The following CYBC1 variants were observed in gnomAD, a reference collection of about 807,000 sequenced individuals.
CYBC1 encodes the protein essential for reactive oxygen species protein.
CYBC1 carries 22 observed loss-of-function variants against 21.7 expected under a neutral mutation model. That is an observed-to-expected ratio of 1.02 (90% CI 0.73 to 1.45). The LOEUF (loss-of-function observed/expected upper bound fraction) is 1.45, where lower values mean the gene tolerates loss of function less well. Ranked by LOEUF, CYBC1 falls within the 40% of genes most tolerant of loss-of-function variation. The probability of loss-of-function intolerance (pLI) is 0.00; values close to 1 mark genes in which losing one functional copy is unlikely to be tolerated. For synonymous variants in CYBC1, 112 were observed against 98.7 expected, an observed-to-expected ratio of 1.13 and a Z score of -0.80; for missense variants, 237 against 242.1, an observed-to-expected ratio of 0.98 and a Z score of 0.14.
chr17:82,449,033 A>G, intron 2 of CYBC1, 137 bp downstream of exon 2: 1 of 699,076 alleles, frequency 1.4e-6, no homozygotes, highest in Non-Finnish European at 2.4e-6. Flanking sequence ...TAGAATTTGA[A>G]TGGATACAAA....
At chr17:82,447,852 T>G in intron 2 of CYBC1, 1 of 597,424 alleles carries the variant, frequency 1.7e-6, no homozygotes, top group South Asian at 2.0e-5. Flanking sequence ...CCCAGCTACC[T>G]GGGAGGCCGA....
rs1258110096 is a variant in CYBC1, at chr17:82,443,368, A to G, written c.*636T>C. 2.1e-6 allele frequency: 1 copy of G among 473,878 alleles called. No homozygotes were observed. Among genetic ancestry groups the G allele is most frequent in the Non-Finnish European group, 3.9e-6 (1 of 253,474 alleles). The allele number at this position is 473,878 out of a possible 1,614,324, so 29.4% of individuals were successfully genotyped here. On this transcript the variant is annotated 3_prime_UTR_variant, in exon 7 of 7. Transcript: ENST00000306645. The surrounding 1 kb of genome is among the most constrained non-coding windows in gnomAD (Gnocchi z 6.7). The stretch of plus-strand genomic sequence containing the variant: ...ATGCGCCGAGATCCTGGCATCAGCA[A>G]GGGAGGCGGGTCCTCGGGGAGGGGC...
In CYBC1 at chr17:82,446,660, C is replaced by T; in HGVS notation, c.164G>A (p.Cys55Tyr). 6.2e-7 allele frequency: 1 copy of T among 1,614,132 alleles called. No homozygotes were observed. The highest frequency in any genetic ancestry group is 1.1e-5 in the South Asian group (1 of 91,088). Residue 55 changes from cysteine (C) to tyrosine (Y), a missense_variant, in exon 4 of 7, where the codon TGC (cysteine) becomes TAC (tyrosine). Physicochemically the swap from Cys to Tyr is radical, Grantham distance 194. Transcript: ENST00000306645. ...CAAGTTCTGCACAGCCACAAACAGGCAGCCTGTGACGTAGAAGAGCTTCCA... is the reference window on the plus strand; with the variant it reads ...CAAGTTCTGCACAGCCACAAACAGGTAGCCTGTGACGTAGAAGAGCTTCCA... ...LGWKLFYVTGCLFVAVQNLED... is the reference protein window; with the variant it reads ...LGWKLFYVTGYLFVAVQNLED...
At chr17:82,447,698 A>G (rs893676505) in intron 2 of CYBC1, 77 bp from the exon 3 acceptor site, 1 of 1,330,234 alleles carries the variant, frequency 7.5e-7, no homozygotes, top group African/African-American at 1.4e-5. Flanking sequence ...ACCAGGAGCC[A>G]CAGCCCCTGA....
At chr17:82,444,754 C>A in intron 5 of CYBC1, 163 bp from the exon 6 acceptor site, 1 of 900,532 alleles carries the variant, frequency 1.1e-6, no homozygotes, top group Non-Finnish European at 1.7e-6. Flanking sequence ...ACTGCTGTGG[C>A]CCTGAAGGCA....
At position 82,442,884 on chromosome 17, in the gene CYBC1, C is replaced by T. The variant is rs892200650; in HGVS notation, c.*1120G>A. On this transcript the variant is annotated 3_prime_UTR_variant, in exon 7 of 7. Transcript: ENST00000306645. The surrounding 1 kb of genome is among the most constrained non-coding windows in gnomAD (Gnocchi z 6.8). ...GGCATCAGGCCAGGCGCGCTCGGTG[C>T]ACACCGCACCTGGGAGGACCTGGGT... The T allele has an allele frequency of 4.5e-5, 15 of 336,922 alleles. No individual in the cohort carries two copies. The highest frequency in any genetic ancestry group is 8.2e-5 in the Non-Finnish European group (15 of 183,724). 20.9% of individuals were successfully genotyped at this position (336,922 alleles called of 1,614,324 possible). A position where few individuals can be genotyped will look rare whatever the true frequency, so the allele number is the denominator to read the frequency against.
rs960060249 is a variant in CYBC1 at position 82,444,319 on chromosome 17, T to C, written c.443+128A>G. ...CCCCTGAGCCTGCACACGCTTCCCG[T>C]GGGCCCCTCTGTGTCCCGTCCACAA... On this transcript the variant is annotated intron_variant, in intron 6 of 6. Transcript: ENST00000306645. 4 of 1,454,254 alleles carry C rather than the reference T, an allele frequency of 2.8e-6. No homozygotes were observed. The African/African-American group carries it at 5.6e-5, about 21-fold the overall frequency. The allele number at this position is 1,454,254 out of a possible 1,614,324, so 90.1% of individuals were successfully genotyped here. A position where few individuals can be genotyped will look rare whatever the true frequency, so the allele number is the denominator to read the frequency against.
chr17:82,448,874 A>G, intron 2 of CYBC1: 1 of 365,786 alleles, frequency 2.7e-6, no homozygotes, highest in Non-Finnish European at 5.0e-6. Flanking sequence ...ATGGGAACCC[A>G]CGATCACCCA....
chr17:82,446,963 C>T (rs2054332598), intron 3 of CYBC1: 1 of 547,912 alleles, frequency 1.8e-6, no homozygotes, highest in Admixed American at 3.3e-5. Flanking sequence ...GTGATTGTGG[C>T]AGGGTGGGAA....
intron 1 of CYBC1, chr17:82,450,072 C>T (rs12450191): frequency 0.15 from 23,100 of 152,068 alleles, 2,069 homozygotes; most frequent in Admixed American, 0.28. Context: ...GTTTGAGTCA[C>T]GGAGTTCAAG....
chr17:82,447,560 T>TGGGGGGG lies in CYBC1; in HGVS notation c.127+19_127+20insCCCCCCC. 1 of 386,414 alleles carries TGGGGGGG rather than the reference T, an allele frequency of 2.6e-6. No individual in the cohort carries two copies. Among genetic ancestry groups the TGGGGGGG allele is most frequent in the Admixed American group, 5.8e-5 (1 of 17,202 alleles). The allele number at this position is 386,414 out of a possible 1,614,324, so 23.9% of individuals were successfully genotyped here. A position where few individuals can be genotyped will look rare whatever the true frequency, so the allele number is the denominator to read the frequency against. ...AACAGCTGAGACAGTCATGGGGGGG[T>TGGGGGGG]GGGGCGGGGGGTGCTTTACCTCCGC... On this transcript the variant is annotated intron_variant, in intron 3 of 6. Coordinates refer to ENST00000306645, the MANE Select transcript of CYBC1 (RefSeq NM_001033046.4).
intron 4 of CYBC1, 136 bp from the exon 5 acceptor site, chr17:82,446,096 C>T: frequency 4.5e-6 from 3 of 663,674 alleles, no homozygotes; most frequent in East Asian, 5.6e-5. Flanking sequence ...AGAACCCAAA[C>T]CCCTGAAGCC....
intron 2 of CYBC1, 80 bp from the exon 3 acceptor site, chr17:82,447,701 G>T: frequency 7.8e-7 from 1 of 1,285,458 alleles, no homozygotes; most frequent in Non-Finnish European, 1.1e-6. Context: ...AGGAGCCACA[G>T]CCCCTGATGA....
At chr17:82,447,368 A>AT (rs2054367261) in intron 3 of CYBC1, 2 of 572,928 alleles carry the variant, frequency 3.5e-6, no homozygotes, top group East Asian at 3.0e-5. Flanking sequence ...AAAAAAAAAA[A>AT]GAAGTGAAAT....
In CYBC1 at chr17:82,442,802, C is replaced by A; in HGVS notation, c.*1202G>T. 1.9e-6 allele frequency: 1 copy of A among 530,930 alleles called. No individual in the cohort carries two copies. The allele number at this position is 530,930 out of a possible 1,614,324, so 32.9% of individuals were successfully genotyped here. A position where few individuals can be genotyped will look rare whatever the true frequency, so the allele number is the denominator to read the frequency against. ...GTGTTCCCTGTCCTACCCAGCCATT[C>A]CTGGGCCTGCCGCCTAGGGGCTCAC... On this transcript the variant is annotated 3_prime_UTR_variant, in exon 7 of 7. Coordinates refer to ENST00000306645, the MANE Select transcript of CYBC1 (RefSeq NM_001033046.4). The surrounding 1 kb of genome is among the most constrained non-coding windows in gnomAD (Gnocchi z 6.8).
At chr17:82,444,808 C>A in intron 5 of CYBC1, 2 of 574,620 alleles carry the variant, frequency 3.5e-6, no homozygotes, top group Non-Finnish European at 6.0e-6. Context: ...GCGGTGCAGG[C>A]TGGCGGGTCA....
At chr17:82,446,905 G>C (rs1422403934) in intron 3 of CYBC1, 1 of 593,520 alleles carries the variant, frequency 1.7e-6, no homozygotes, top group Non-Finnish European at 3.0e-6. Flanking sequence ...GTCCACGTGA[G>C]AGAGGCAGGT....
intron 3 of CYBC1, chr17:82,446,905 G>T (rs1422403934): frequency 3.4e-6 from 2 of 593,520 alleles, no homozygotes; most frequent in African/African-American, 3.7e-5. Flanking sequence ...GTCCACGTGA[G>T]AGAGGCAGGT....
At chr17:82,445,994 T>C in intron 4 of CYBC1, 34 bp from the exon 5 acceptor site, 12 of 1,595,082 alleles carry the variant, frequency 7.5e-6, no homozygotes, top group Non-Finnish European at 9.4e-6. Flanking sequence ...ACCATGAACC[T>C]CCAGGAACGG....
Sources: allele counts gnomAD v4.1 joint callset, GRCh38; gene constraint gnomAD v4.1.1; non-coding constraint Gnocchi (gnomAD v3.1); transcripts MANE v1.5; gene names NCBI Gene and HGNC (gene_info 2026-07-23, HGNC 2026-07-21).